Variants in ULK4 observed in about 807,000 individuals in gnomAD.
ULK4 encodes the protein inactive serine/threonine-protein kinase ULK4.
ULK4 carries 133 observed loss-of-function variants against 160.6 expected under a neutral mutation model. The ratio of observed to expected loss-of-function variants is 0.83; its 90% CI spans 0.72 to 0.96. The LOEUF (loss-of-function observed/expected upper bound fraction) is 0.96, where lower values mean the gene tolerates loss of function less well. Ranked by LOEUF, ULK4 falls within the 40% of genes least tolerant of loss-of-function variation. The pLI, the probability that ULK4 is intolerant of heterozygous loss-of-function variation, is 0.00. For missense variants in ULK4, 1,580 were observed against 1,499.5 expected, an observed-to-expected ratio of 1.05 and a Z score of -0.89; for synonymous variants, 534 against 539.8, an observed-to-expected ratio of 0.99 and a Z score of 0.15.
chr3:41,676,126 C>G (rs2035705340), intron 29 of ULK4, among the ~76,000 whole-genome samples: 1 of 151,984 alleles, frequency 6.6e-6, no homozygotes, highest in African/African-American at 2.4e-5. Context: ...GGAGCTGTGA[C>G]CTAATAAATG....
intron 16 of ULK4, among the ~76,000 whole-genome samples, chr3:41,891,768 G>C (rs1173544082): frequency 6.6e-6 from 1 of 152,188 alleles, no homozygotes; most frequent in East Asian, 1.9e-4. Flanking sequence ...AGCCGGGCAT[G>C]ATGGCAGGTG....
intron 22 of ULK4, among the ~76,000 whole-genome samples, chr3:41,750,583 G>T (rs928915853): frequency 6.6e-6 from 1 of 152,090 alleles, no homozygotes; most frequent in Non-Finnish European, 1.5e-5. Context: ...CCTAGCAGAG[G>T]CCATTGTCTT....
chr3:41,816,841 T>C lies in ULK4; in HGVS notation c.1848+2582A>G, dbSNP rs770947888. ...CACCAGATTGACAAAAATTTTAAGT[T>C]TGCCTATGTCAAATGTTTGCGAAGA... On this transcript the variant is annotated intron_variant, in intron 19 of 36. Coordinates refer to ENST00000301831, the MANE Select transcript of ULK4 (RefSeq NM_017886.4). Among the ~76,000 whole-genome samples, 8 of 152,300 alleles carry C rather than the reference T, an allele frequency of 5.3e-5. 1 individual carries two copies. In the Middle Eastern group the frequency reaches 0.014, roughly 259 times the overall value.
chr3:41,300,871 A>ATATT (rs2079780602), intron 35 of ULK4, among the ~76,000 whole-genome samples: 1 of 107,704 alleles, frequency 9.3e-6, no homozygotes, highest in Admixed American at 9.4e-5. Flanking sequence ...ATATATATAT[A>ATATT]TATATATATA....
intron 17 of ULK4, among the ~76,000 whole-genome samples, chr3:41,870,076 A>C (rs931564392): frequency 1.3e-5 from 2 of 152,188 alleles, no homozygotes; most frequent in Admixed American, 1.3e-4. Context: ...GCACGCATTC[A>C]TATAACTGTT....
chr3:41,917,401 G>A (rs780058194), intron 7 of ULK4, among the ~76,000 whole-genome samples: 3 of 152,092 alleles, frequency 2.0e-5, no homozygotes, highest in Admixed American at 6.6e-5. Flanking sequence ...CTACTTGGGA[G>A]GTTGACTGCA....
intron 29 of ULK4, 39 bp from the exon 30 acceptor site, chr3:41,663,738 A>G: frequency 6.5e-7 from 1 of 1,538,370 alleles, no homozygotes; most frequent in South Asian, 1.1e-5. Context: ...CTCAGTAGGA[A>G]AAATTATGTC....
chr3:41,595,665 G>A (rs965064683), intron 31 of ULK4, among the ~76,000 whole-genome samples: 12 of 152,180 alleles, frequency 7.9e-5, no homozygotes, highest in African/African-American at 2.9e-4. Context: ...CAACACAGAA[G>A]AATGTCTCAA....
chr3:41,954,562 C>A, intron 2 of ULK4, 60 bp downstream of exon 2: 2 of 1,536,900 alleles, frequency 1.3e-6, no homozygotes, highest in South Asian at 1.3e-5. Flanking sequence ...GAAAATGCTA[C>A]CCCCTTCTAC....
chr3:41,484,458 C>CTTTTTTTTTTTTTTTTTTTTTTTTTTT (rs369059587), intron 32 of ULK4, among the ~76,000 whole-genome samples: 2 of 134,864 alleles, frequency 1.5e-5, no homozygotes, highest in African/African-American at 2.8e-5. Flanking sequence ...CTTTCTTTTC[C>CTTTTTTTTTTTTTTTTTTTTTTTTTTT]TTTTTTTGTT....
intron 31 of ULK4, among the ~76,000 whole-genome samples, chr3:41,613,992 G>A (rs1371378167): frequency 6.6e-6 from 1 of 152,196 alleles, no homozygotes; most frequent in Non-Finnish European, 1.5e-5. Flanking sequence ...TCAAATTGTG[G>A]CATTAATCAA....
intron 17 of ULK4, among the ~76,000 whole-genome samples, chr3:41,836,689 G>A (rs1575800130): frequency 6.6e-6 from 1 of 152,092 alleles, no homozygotes; most frequent in South Asian, 2.1e-4. Flanking sequence ...TTCTTATATT[G>A]CATTAAACTT....
chr3:41,931,904 C>G lies in ULK4; in HGVS notation c.481G>C (p.Glu161Gln). The change falls in exon 5 of 37, where the codon GAA becomes CAA. Residue 161 changes from glutamate (E) to glutamine (Q), a missense_variant. Transcript: ENST00000301831. ...EEFFALVAAE[E>Q]GGGDNGENVL... ...TTTTCCCCATTATCACCTCCTCCTTCCTCTGCTGCCACCAAAGCAAAGAAC... is the reference window on the plus strand; with the variant it reads ...TTTTCCCCATTATCACCTCCTCCTTGCTCTGCTGCCACCAAAGCAAAGAAC... 6.2e-7 allele frequency: 1 copy of G among 1,614,122 alleles called. No individual in the cohort carries two copies.
chr3:41,306,567 TG>T (rs1296777806), intron 35 of ULK4, among the ~76,000 whole-genome samples: 1 of 148,422 alleles, frequency 6.7e-6, no homozygotes, highest in Non-Finnish European at 1.5e-5. Context: ...GTCCGGGAGG[TG>T]AGGGGCACCT....
chr3:41,669,082 G>A lies in ULK4; in HGVS notation c.2979-5383C>T, dbSNP rs117153040. Among the ~76,000 whole-genome samples, 53 of 152,174 alleles carry A rather than the reference G, an allele frequency of 3.5e-4. 1 individual carries two copies. In the East Asian group the frequency reaches 7.9e-3, roughly 23 times the overall value. The stretch of plus-strand genomic sequence containing the variant: ...AGGAAATAAATGGCCAAGAAGCATC[G>A]GGAAGAAATGGTCTACTTCATCAAC... On this transcript the variant is annotated intron_variant, in intron 29 of 36. Coordinates refer to ENST00000301831, the MANE Select transcript of ULK4 (RefSeq NM_017886.4).
chr3:41,675,314 G>A (rs552323592), intron 29 of ULK4, among the ~76,000 whole-genome samples: 2 of 152,060 alleles, frequency 1.3e-5, no homozygotes, highest in African/African-American at 4.8e-5. Flanking sequence ...GTTAGGCTGG[G>A]AGTGGTGGTT....
intron 22 of ULK4, among the ~76,000 whole-genome samples, chr3:41,745,885 AT>A (rs1386037389): frequency 6.6e-6 from 1 of 151,686 alleles, no homozygotes; most frequent in Non-Finnish European, 1.5e-5. Flanking sequence ...AGCTAAAAAA[AT>A]CATATTGTTA....
chr3:41,782,869 G>C (rs1224115201), intron 21 of ULK4, among the ~76,000 whole-genome samples: 1 of 152,132 alleles, frequency 6.6e-6, no homozygotes, highest in African/African-American at 2.4e-5. Context: ...AGGACTGTAG[G>C]AATGAATTGC....
At chr3:41,316,423 T>TA (rs2080144226) in intron 35 of ULK4, among the ~76,000 whole-genome samples, 1 of 152,216 alleles carries the variant, frequency 6.6e-6, no homozygotes, top group Non-Finnish European at 1.5e-5. Context: ...AATAAAGCTA[T>TA]TATTTTTTAA....
Sources: allele counts gnomAD v4.1 joint callset (sites outside exome capture counted in the v4.1 genomes callset), GRCh38; gene constraint gnomAD v4.1.1; transcripts MANE v1.5; gene names NCBI Gene and HGNC (gene_info 2026-07-23, HGNC 2026-07-21).